NEURL1B: variants seen among roughly 807,000 people sequenced by gnomAD.
NEURL1B encodes neuralized E3 ubiquitin protein ligase 1B.
Under a neutral mutation model 37.4 loss-of-function variants are expected in NEURL1B, and 13 were observed. That is an observed-to-expected ratio of 0.35 (90% CI 0.23 to 0.55). NEURL1B has a LOEUF of 0.55. NEURL1B is among the 20% of genes least tolerant of loss of function. The probability of loss-of-function intolerance (pLI) is 0.89; values close to 1 mark genes in which losing one functional copy is unlikely to be tolerated. For missense variants in NEURL1B, 790 were observed against 879.2 expected, an observed-to-expected ratio of 0.90 and a Z score of 1.28; for synonymous variants, 432 against 426.6, an observed-to-expected ratio of 1.01 and a Z score of -0.16.
At chr5:172,646,720 C>T (rs1423234634) in intron 1 of NEURL1B, among the ~76,000 whole-genome samples, 1 of 152,100 alleles carries the variant, frequency 6.6e-6, no homozygotes, top group Admixed American at 6.5e-5. Flanking sequence ...GTTGTGAGAG[C>T]CCAGAAGATG....
At chr5:172,649,558 C>T (rs1167448852) in intron 1 of NEURL1B, among the ~76,000 whole-genome samples, 3 of 151,946 alleles carry the variant, frequency 2.0e-5, no homozygotes, top group African/African-American at 7.3e-5. Context: ...GATGGGTTTT[C>T]ACCATGTTGG....
intron 2 of NEURL1B, among the ~76,000 whole-genome samples, chr5:172,670,665 G>T (rs1465324201): frequency 6.6e-6 from 1 of 151,934 alleles, no homozygotes; most frequent in African/African-American, 2.4e-5. Flanking sequence ...TCATTCATTC[G>T]CTCACTCATT....
At chr5:172,663,691 G>T (rs946960403) in intron 1 of NEURL1B, among the ~76,000 whole-genome samples, 28 of 151,788 alleles carry the variant, frequency 1.8e-4, no homozygotes, top group Non-Finnish European at 3.1e-4. Flanking sequence ...GGTCAGAAGT[G>T]GGGGGCACGG....
intron 1 of NEURL1B, among the ~76,000 whole-genome samples, chr5:172,658,803 T>G (rs1401940273): frequency 1.3e-5 from 2 of 152,060 alleles, no homozygotes; most frequent in Non-Finnish European, 1.5e-5. Flanking sequence ...GTCCTATGGG[T>G]GGGGGGCCAT....
chr5:172,650,919 G>A (rs371615935), intron 1 of NEURL1B, among the ~76,000 whole-genome samples: 3 of 152,194 alleles, frequency 2.0e-5, no homozygotes, highest in Non-Finnish European at 4.4e-5. Flanking sequence ...GCAGGTAATC[G>A]GAATGAGTTA....
At chr5:172,682,310 C>CA (rs1169733976) in intron 2 of NEURL1B, among the ~76,000 whole-genome samples, 1 of 152,242 alleles carries the variant, frequency 6.6e-6, no homozygotes, top group Non-Finnish European at 1.5e-5. Flanking sequence ...CGTGCTGACT[C>CA]ACGCCTATAA....
intron 2 of NEURL1B, among the ~76,000 whole-genome samples, chr5:172,681,958 C>T (rs2113328505): frequency 6.6e-6 from 1 of 152,234 alleles, no homozygotes. Flanking sequence ...TGACTCTTTC[C>T]TGATGTTGTT....
chr5:172,655,463 C>T (rs764553433), intron 1 of NEURL1B, among the ~76,000 whole-genome samples: 3 of 152,126 alleles, frequency 2.0e-5, no homozygotes, highest in Admixed American at 2.0e-4. Context: ...ATAAATCCTA[C>T]GGCAGGATCC....
At chr5:172,667,279 A>AAAAAAAAAAAAAAAAAAAAAAAAAAAAAC (rs1758034491) in intron 1 of NEURL1B, among the ~76,000 whole-genome samples, 1 of 145,744 alleles carries the variant, frequency 6.9e-6, no homozygotes, top group Non-Finnish European at 1.5e-5. Flanking sequence ...CTCTACTAAA[A>AAAAAAAAAAAAAAAAAAAAAAAAAAAAAC]AAAAAAAAAA....
chr5:172,646,085 C>G (rs1356900240), intron 1 of NEURL1B, among the ~76,000 whole-genome samples: 1 of 152,200 alleles, frequency 6.6e-6, no homozygotes, highest in Non-Finnish European at 1.5e-5. Flanking sequence ...AAATGCATTT[C>G]TTTCCCTGGG....
intron 2 of NEURL1B, among the ~76,000 whole-genome samples, chr5:172,678,362 C>T (rs1300964492): frequency 6.6e-6 from 1 of 152,194 alleles, no homozygotes; most frequent in Non-Finnish European, 1.5e-5. Flanking sequence ...CTCCCAAACC[C>T]ATCTTCCCAG....
chr5:172,652,298 C>A (rs563541226), intron 1 of NEURL1B, among the ~76,000 whole-genome samples: 27 of 152,328 alleles, frequency 1.8e-4, no homozygotes, highest in African/African-American at 6.5e-4. Context: ...CACACCTGGT[C>A]GACTGGAAGA....
rs922897823 is a variant in NEURL1B, at chr5:172,670,886, G to A, written c.577+556G>A. ...CATGTGCAGAGAGGAGTTAGGTGTG[G>A]CGAACCCCGGCCCACATTAAGGGGC... On this transcript the variant is annotated intron_variant, in intron 2 of 4. Transcript: ENST00000369800. Among the ~76,000 whole-genome samples, 4 of 152,146 alleles carry A rather than the reference G, an allele frequency of 2.6e-5. No homozygotes were observed. In the South Asian group the frequency reaches 8.3e-4, roughly 32 times the overall value.
Position 172,665,651 on chromosome 5 carries a change from C to G in NEURL1B, c.32-4134C>G, listed in dbSNP as rs1757995194. Reference sequence around the variant, plus strand: ...CTCTACAAGGCAGTGACTGCCCAACCTGGCACACCCCCTGCCACACCTACC... The same window carrying G: ...CTCTACAAGGCAGTGACTGCCCAACGTGGCACACCCCCTGCCACACCTACC... On this transcript the variant is annotated intron_variant, in intron 1 of 4. Transcript: ENST00000369800. This position sits in a 1 kb window ranked among gnomAD's most constrained non-coding sequence, Gnocchi z 4.1. Among the ~76,000 whole-genome samples the G allele has an allele frequency of 6.6e-6, 1 of 152,204 alleles. No homozygotes were observed. Among genetic ancestry groups the G allele is most frequent in the South Asian group, 2.1e-4 (1 of 4,838 alleles).
chr5:172,657,580 C>G lies in NEURL1B; in HGVS notation c.32-12205C>G, dbSNP rs1475312980. On this transcript the variant is annotated intron_variant, in intron 1 of 4. Transcript: ENST00000369800. The surrounding 1 kb of genome is among the most constrained non-coding windows in gnomAD (Gnocchi z 4.0). Reference sequence around the variant, plus strand: ...GCTGAAGGGACATTGGGAGAAGTGACCTAGAAGGCAAGAGGTGAGTCTTCT... The same window carrying G: ...GCTGAAGGGACATTGGGAGAAGTGAGCTAGAAGGCAAGAGGTGAGTCTTCT... Among the ~76,000 whole-genome samples, 1 of 152,122 alleles carries G rather than the reference C, an allele frequency of 6.6e-6. No homozygotes were observed. The highest frequency in any genetic ancestry group is 1.9e-4 in the East Asian group (1 of 5,188).
At chr5:172,667,275 T>TTAAAAAAAAAAAAAAAAAA (rs761050020) in intron 1 of NEURL1B, among the ~76,000 whole-genome samples, 1 of 72,302 alleles carries the variant, frequency 1.4e-5, no homozygotes, top group African/African-American at 8.1e-5. Flanking sequence ...CTGTCTCTAC[T>TTAAAAAAAAAAAAAAAAAA]AAAAAAAAAA....
intron 1 of NEURL1B, among the ~76,000 whole-genome samples, chr5:172,642,750 C>A (rs1416888661): frequency 6.6e-6 from 1 of 152,250 alleles, no homozygotes; most frequent in Non-Finnish European, 1.5e-5. Flanking sequence ...TAATCATCAG[C>A]AGAGTCACCA....
intron 2 of NEURL1B, among the ~76,000 whole-genome samples, chr5:172,680,320 T>A (rs324329): frequency 6.6e-6 from 1 of 151,904 alleles, no homozygotes; most frequent in African/African-American, 2.4e-5. Flanking sequence ...AGGACTTGAA[T>A]CTAAGTCCGC....
chr5:172,655,628 G>T (rs754689465), intron 1 of NEURL1B, among the ~76,000 whole-genome samples: 1 of 152,100 alleles, frequency 6.6e-6, no homozygotes, highest in Non-Finnish European at 1.5e-5. Context: ...CACCAAGGAA[G>T]TATTTTACCG....
Sources: gnomAD v4.1 joint callset for allele counts (sites outside exome capture counted in the v4.1 genomes callset) on GRCh38, gnomAD v4.1.1 for gene constraint, Gnocchi (gnomAD v3.1) non-coding constraint, MANE v1.5 for transcripts, NCBI Gene and HGNC (gene_info 2026-07-23, HGNC 2026-07-21) for gene names.